Variants in DENND2B observed in about 807,000 individuals in gnomAD.
DENND2B encodes the protein DENN domain-containing protein 2B.
DENND2B carries 32 observed loss-of-function variants against 116.0 expected under a neutral mutation model. The ratio of observed to expected loss-of-function variants is 0.28; its 90% confidence interval spans 0.21 to 0.37. The LOEUF (loss-of-function observed/expected upper bound fraction) is 0.37, where lower values mean the gene tolerates loss of function less well. Among genes scored for constraint, DENND2B ranks in the 10% least tolerant of loss-of-function variants. DENND2B has a pLI of 1.00. For synonymous variants in DENND2B, 588 were observed against 583.9 expected, an observed-to-expected ratio of 1.01 and a Z score of -0.10; for missense variants, 1,276 against 1,477.7, an observed-to-expected ratio of 0.86 and a Z score of 2.24.
chr11:8,855,115 A>T (rs1352461325), intron 3 of DENND2B, among the ~76,000 whole-genome samples: 1 of 151,478 alleles, frequency 6.6e-6, no homozygotes. Context: ...ACTGCATTCC[A>T]GCCTGGGCAA....
intron 1 of DENND2B, among the ~76,000 whole-genome samples, chr11:8,798,828 CT>C (rs200890965): frequency 1.8e-3 from 240 of 134,136 alleles, no homozygotes; most frequent in Non-Finnish European, 1.8e-3. Context: ...TTTCCGGTTG[CT>C]TTTTTTTTTT....
intron 4 of DENND2B, among the ~76,000 whole-genome samples, chr11:8,825,593 C>T (rs2061947725): frequency 6.6e-6 from 1 of 151,758 alleles, no homozygotes; most frequent in Admixed American, 6.6e-5. Flanking sequence ...TTGGATAAGA[C>T]ACAATTATCA....
intron 3 of DENND2B, among the ~76,000 whole-genome samples, chr11:8,841,837 T>G (rs1335185926): frequency 6.6e-6 from 1 of 152,148 alleles, no homozygotes; most frequent in East Asian, 1.9e-4. Context: ...CTGATGTCTC[T>G]CTCCTCGATT....
intron 2 of DENND2B, among the ~76,000 whole-genome samples, chr11:8,740,339 TAGTGACACAGGCCCCTCTTC>T (rs1392952838): frequency 2.0e-5 from 3 of 152,222 alleles, no homozygotes; most frequent in Non-Finnish European, 2.9e-5. Flanking sequence ...ATCCCTGGGC[TAGTGACACAGGCCCCTCTTC>T]AGTAACACAG....
At chr11:8,843,622 G>A (rs2062703861) in intron 3 of DENND2B, among the ~76,000 whole-genome samples, 1 of 152,056 alleles carries the variant, frequency 6.6e-6, no homozygotes, top group Non-Finnish European at 1.5e-5. Flanking sequence ...CAGATCTCCA[G>A]CCCCACCACC....
chr11:8,847,233 C>T (rs993934797), intron 3 of DENND2B, among the ~76,000 whole-genome samples: 2 of 152,194 alleles, frequency 1.3e-5, no homozygotes, highest in Non-Finnish European at 2.9e-5. Flanking sequence ...AGCATTCTCC[C>T]ATCATGGGAG....
chr11:8,742,023 T>TG (rs2050311366), intron 2 of DENND2B, among the ~76,000 whole-genome samples: 1 of 152,230 alleles, frequency 6.6e-6, no homozygotes, highest in South Asian at 2.1e-4. Context: ...CGTGAGTAGC[T>TG]GGGAGCACAG....
At chr11:8,902,359 C>A (rs1262749542) in intron 1 of DENND2B, among the ~76,000 whole-genome samples, 1 of 151,908 alleles carries the variant, frequency 6.6e-6, no homozygotes, top group East Asian at 1.9e-4. Flanking sequence ...GTGTTGAAGT[C>A]CCCAACTACC....
chr11:8,854,740 T>C (rs557076321), intron 3 of DENND2B, among the ~76,000 whole-genome samples: 2 of 151,768 alleles, frequency 1.3e-5, no homozygotes, highest in Admixed American at 6.6e-5. Context: ...CCAGACAGAG[T>C]CTCACTCTGC....
At chr11:8,752,797 T>C (rs1393249974) in intron 1 of DENND2B, among the ~76,000 whole-genome samples, 1 of 152,144 alleles carries the variant, frequency 6.6e-6, no homozygotes. Context: ...TAAGGGTACA[T>C]TTGGGTTGGA....
chr11:8,718,097 C>CCCCCCCAG lies in DENND2B; in HGVS notation c.1478-206_1478-205insCTGGGGGG. The CCCCCCCAG allele has an allele frequency of 1.1e-5, 3 of 264,418 alleles. 1 individual carries two copies. In the South Asian group the frequency reaches 1.5e-4, roughly 13 times the overall value. 16.4% of individuals were successfully genotyped at this position (264,418 alleles called of 1,614,324 possible). A position where few individuals can be genotyped will look rare whatever the true frequency, so the allele number is the denominator to read the frequency against. ...GGCTCCAAGTCCAGAAGCAGACCCA[C>CCCCCCCAG]CCCCCCACCCCCCCCAACCCCCCAC... On this transcript the variant is annotated intron_variant, in intron 4 of 19. Coordinates refer to ENST00000313726, the MANE Select transcript of DENND2B (RefSeq NM_213618.2).
At position 8,710,706 on chromosome 11, in the gene DENND2B, T is replaced by G. The variant is rs2043458232; in HGVS notation, c.2352+139A>C. On this transcript the variant is annotated intron_variant, in intron 11 of 19. Coordinates refer to ENST00000313726, the MANE Select transcript of DENND2B (RefSeq NM_213618.2). ...TGTTGGCAGGGGGTTCGGGGTGGCC[T>G]CAGGAAGCATAACATAGGATTTCAT... 4.4e-6 allele frequency: 4 copies of G among 900,754 alleles called. No homozygotes were observed. The South Asian group carries it at 4.5e-5, about 10-fold the overall frequency. The allele number at this position is 900,754 out of a possible 1,614,324, so 55.8% of individuals were successfully genotyped here.
intron 13 of DENND2B, among the ~76,000 whole-genome samples, chr11:8,706,704 G>C (rs1249595291): frequency 6.6e-6 from 1 of 152,108 alleles, no homozygotes; most frequent in African/African-American, 2.4e-5. Flanking sequence ...GTTTATAATA[G>C]CAGTATCTCC....
At chr11:8,852,491 A>G (rs1400678241) in intron 3 of DENND2B, among the ~76,000 whole-genome samples, 2 of 152,222 alleles carry the variant, frequency 1.3e-5, no homozygotes, top group African/African-American at 4.8e-5. Context: ...TAAACAAGTA[A>G]ATAAGAGAAA....
At chr11:8,826,270 T>C (rs530946905) in intron 4 of DENND2B, among the ~76,000 whole-genome samples, 16 of 152,246 alleles carry the variant, frequency 1.1e-4, no homozygotes, top group African/African-American at 2.6e-4. Context: ...ATCAAGGATA[T>C]AGAGCAGCTC....
At chr11:8,696,825 C>T (rs1449194520) in intron 17 of DENND2B, among the ~76,000 whole-genome samples, 159 bp from the exon 18 acceptor site, 1 of 152,220 alleles carries the variant, frequency 6.6e-6, no homozygotes, top group Non-Finnish European at 1.5e-5. Context: ...CTCTTGTTGC[C>T]CAAGTTAGAG....
chr11:8,709,851 C>T (rs1301983547), intron 11 of DENND2B, among the ~76,000 whole-genome samples: 1 of 152,188 alleles, frequency 6.6e-6, no homozygotes, highest in Admixed American at 6.5e-5. Context: ...CATTTATTCC[C>T]TCTTATTCCC....
At chr11:8,899,033 C>A (rs557809026) in intron 1 of DENND2B, among the ~76,000 whole-genome samples, 1 of 152,012 alleles carries the variant, frequency 6.6e-6, no homozygotes, top group South Asian at 2.1e-4. Flanking sequence ...TAAAACAAAA[C>A]AAATTATGGA....
chr11:8,903,829 T>C (rs1192522161), intron 1 of DENND2B, among the ~76,000 whole-genome samples: 2 of 140,724 alleles, frequency 1.4e-5, no homozygotes, highest in African/African-American at 5.4e-5. Context: ...GTTGAGGCTG[T>C]AGTGAGCTGT....
Sources: gnomAD v4.1 joint callset for allele counts (sites outside exome capture counted in the v4.1 genomes callset) on GRCh38, gnomAD v4.1.1 for gene constraint, MANE v1.5 for transcripts, NCBI Gene and HGNC (gene_info 2026-07-23, HGNC 2026-07-21) for gene names.